The following PDE4D variants were observed in gnomAD, a reference collection of about 807,000 sequenced individuals.
PDE4D encodes phosphodiesterase 4D.
PDE4D carries 24 observed loss-of-function variants against 87.4 expected under a neutral mutation model. The ratio of observed to expected loss-of-function variants is 0.27; its 90% CI spans 0.20 to 0.39. The LOEUF (loss-of-function observed/expected upper bound fraction) is 0.39, where lower values mean the gene tolerates loss of function less well. Among genes scored for constraint, PDE4D ranks in the 10% least tolerant of loss-of-function variants. The probability of loss-of-function intolerance (pLI) is 1.00; values close to 1 mark genes in which losing one functional copy is unlikely to be tolerated. For synonymous variants in PDE4D, 384 were observed against 383.2 expected, an observed-to-expected ratio of 1.00 and a Z score of -0.02; for missense variants, 714 against 1,041.0, an observed-to-expected ratio of 0.69 and a Z score of 4.32.
intron 1 of PDE4D, among the ~76,000 whole-genome samples, chr5:59,523,893 C>G (rs1453845584): frequency 1.3e-5 from 2 of 152,206 alleles, no homozygotes; most frequent in African/African-American, 4.8e-5. Flanking sequence ...CTCTGCACTT[C>G]TCTCTCCTGC....
intron 2 of PDE4D, among the ~76,000 whole-genome samples, chr5:60,083,509 G>T (rs1490668382): frequency 6.6e-6 from 1 of 152,218 alleles, no homozygotes; most frequent in Admixed American, 6.5e-5. Context: ...CAATAAATTT[G>T]TATGGGAAAG....
intron 5 of PDE4D, among the ~76,000 whole-genome samples, chr5:59,158,626 G>T (rs1346744178): frequency 6.6e-6 from 1 of 152,198 alleles, no homozygotes; most frequent in African/African-American, 2.4e-5. Context: ...GAAGATAAAG[G>T]CAATTCATCA....
At chr5:59,341,652 CAT>C (rs1243928510) in intron 1 of PDE4D, among the ~76,000 whole-genome samples, 1 of 152,008 alleles carries the variant, frequency 6.6e-6, no homozygotes, top group African/African-American at 2.4e-5. Context: ...ATAATATATC[CAT>C]ATATATCCAA....
intron 1 of PDE4D, among the ~76,000 whole-genome samples, chr5:59,746,097 T>G (rs1759567738): frequency 6.6e-6 from 1 of 152,210 alleles, no homozygotes; most frequent in Non-Finnish European, 1.5e-5. Flanking sequence ...ATATATATTT[T>G]TTCAAAAATA....
chr5:59,652,708 A>G (rs1431656062), intron 1 of PDE4D, among the ~76,000 whole-genome samples: 1 of 152,022 alleles, frequency 6.6e-6, no homozygotes, highest in Admixed American at 6.6e-5. Context: ...CAATTATAAA[A>G]CCTTGTCTCC....
At chr5:59,879,854 C>CTT (rs1208442270) in intron 1 of PDE4D, among the ~76,000 whole-genome samples, 1 of 152,206 alleles carries the variant, frequency 6.6e-6, no homozygotes, top group African/African-American at 2.4e-5. Context: ...GATTCTCCTG[C>CTT]CTCAGTCTCC....
At chr5:59,706,886 C>G (rs298095) in intron 1 of PDE4D, among the ~76,000 whole-genome samples, 114,393 of 152,034 alleles carry the variant, frequency 0.75, 43,164 homozygotes, top group East Asian at 0.84. Flanking sequence ...AAAATGGTAT[C>G]CACATCAGTG....
intron 1 of PDE4D, among the ~76,000 whole-genome samples, chr5:60,299,427 G>A (rs1458894013): frequency 6.6e-6 from 1 of 152,132 alleles, no homozygotes; most frequent in African/African-American, 2.4e-5. Context: ...GGGTACATGT[G>A]CAGGATGTGC....
intron 2 of PDE4D, among the ~76,000 whole-genome samples, chr5:60,010,394 T>G (rs923628272): frequency 2.6e-5 from 4 of 152,160 alleles, no homozygotes; most frequent in African/African-American, 9.7e-5. Context: ...CATACAAAAT[T>G]GATAAATTAG....
chr5:60,502,545 C>A (rs555871137), intron 1 of PDE4D, among the ~76,000 whole-genome samples: 72 of 152,302 alleles, frequency 4.7e-4, no homozygotes, highest in African/African-American at 1.7e-3. Flanking sequence ...TGAAGAAAGT[C>A]ATTGGTAGCT....
chr5:59,578,515 C>G (rs867407652), intron 1 of PDE4D, among the ~76,000 whole-genome samples: 1 of 152,096 alleles, frequency 6.6e-6, no homozygotes, highest in African/African-American at 2.4e-5. Flanking sequence ...TAGAGTAAAA[C>G]GTCTTTTATT....
At chr5:58,977,692 G>A (rs1271588851) in intron 11 of PDE4D, among the ~76,000 whole-genome samples, 1 of 152,102 alleles carries the variant, frequency 6.6e-6, no homozygotes, top group Non-Finnish European at 1.5e-5. Context: ...AACACATCCA[G>A]AGCATAAGGT....
chr5:59,531,005 A>C (rs2153679484), intron 1 of PDE4D, among the ~76,000 whole-genome samples: 1 of 152,326 alleles, frequency 6.6e-6, no homozygotes, highest in African/African-American at 2.4e-5. Flanking sequence ...CGGTGTATTG[A>C]ATTTCTTAAT....
chr5:60,498,726 G>GT (rs1298543786), intron 1 of PDE4D, among the ~76,000 whole-genome samples: 9 of 152,152 alleles, frequency 5.9e-5, no homozygotes, highest in South Asian at 2.1e-4. Context: ...TAATCAGCTT[G>GT]TTTTTTTTAA....
At chr5:59,211,271 C>T (rs1351943003) in intron 2 of PDE4D, among the ~76,000 whole-genome samples, 1 of 152,104 alleles carries the variant, frequency 6.6e-6, no homozygotes, top group African/African-American at 2.4e-5. Flanking sequence ...CTATATTTAA[C>T]AAATTGTGTG....
chr5:59,192,019 C>A (rs1233120945), intron 3 of PDE4D, among the ~76,000 whole-genome samples: 3 of 152,108 alleles, frequency 2.0e-5, no homozygotes, highest in Admixed American at 6.6e-5. Flanking sequence ...AAACCTTCAG[C>A]AAACAAGATA....
At chr5:59,633,302 G>A (rs1443183493) in intron 1 of PDE4D, among the ~76,000 whole-genome samples, 1 of 152,146 alleles carries the variant, frequency 6.6e-6, no homozygotes, top group African/African-American at 2.4e-5. Flanking sequence ...AAACCAAGTT[G>A]GAAAACACTT....
intron 1 of PDE4D, among the ~76,000 whole-genome samples, chr5:59,541,706 G>A (rs1426959743): frequency 1.3e-5 from 2 of 152,170 alleles, no homozygotes; most frequent in Non-Finnish European, 2.9e-5. Flanking sequence ...ATTATCAATG[G>A]TTTCCTAAAA....
At chr5:59,980,754 A>G (rs1161329582) in intron 3 of PDE4D, among the ~76,000 whole-genome samples, 3 of 152,218 alleles carry the variant, frequency 2.0e-5, no homozygotes, top group African/African-American at 7.2e-5. Flanking sequence ...AATCATGATC[A>G]TATTATTTTG....
Sources: gnomAD v4.1 joint callset for allele counts (sites outside exome capture counted in the v4.1 genomes callset) on GRCh38, gnomAD v4.1.1 for gene constraint, MANE v1.5 for transcripts, NCBI Gene and HGNC (gene_info 2026-07-23, HGNC 2026-07-21) for gene names.